R3HCC1L: variants seen among roughly 807,000 people sequenced by gnomAD.
R3HCC1L encodes the protein R3H domain and coiled-coil containing 1 like, also known as coiled-coil domain-containing protein R3HCC1L.
In R3HCC1L, 51 loss-of-function variants were observed where a neutral mutation model predicts 59.9. The ratio of observed to expected loss-of-function variants is 0.85; its 90% confidence interval spans 0.68 to 1.07. R3HCC1L has a LOEUF of 1.07. Ranked by LOEUF, R3HCC1L falls within the 50% of genes least tolerant of loss-of-function variation. The probability of loss-of-function intolerance (pLI) is 0.00; values close to 1 mark genes in which losing one functional copy is unlikely to be tolerated. For missense variants in R3HCC1L, 965 were observed against 933.0 expected, an observed-to-expected ratio of 1.03 and a Z score of -0.45; for synonymous variants, 322 against 315.2, an observed-to-expected ratio of 1.02 and a Z score of -0.23.
intron 5 of R3HCC1L, among the ~76,000 whole-genome samples, chr10:98,228,708 TG>T (rs1855977010): frequency 6.6e-6 from 1 of 152,254 alleles, no homozygotes; most frequent in Non-Finnish European, 1.5e-5. Flanking sequence ...AGGGTTTTTA[TG>T]GTTTTAGGTC....
At chr10:98,202,707 C>A (rs556156508) in intron 4 of R3HCC1L, among the ~76,000 whole-genome samples, 18 of 152,134 alleles carry the variant, frequency 1.2e-4, no homozygotes, top group Non-Finnish European at 2.6e-4. Context: ...TAAAAATGAG[C>A]CAGGCATGGT....
chr10:98,145,841 C>T (rs1440488709), intron 1 of R3HCC1L, among the ~76,000 whole-genome samples: 6 of 151,544 alleles, frequency 4.0e-5, no homozygotes, highest in South Asian at 4.2e-4. Context: ...CCCAGCTACT[C>T]GGGAGGCTGA....
In R3HCC1L at chr10:98,235,512, C is replaced by A. The variant is rs1387596623; in HGVS notation, c.2120C>A (p.Ala707Asp). ...ATRAAKAKARAYAEFLQPAKE... is the reference protein window; with the variant it reads ...ATRAAKAKARDYAEFLQPAKE... ...AGAGCAGCCAAGGCCAAAGCTAGAG[C>A]TTATGCTGGTGAGTCTATAATCTCT... Residue 707 changes from alanine to aspartate, a missense_variant, in exon 8 of 10, where the codon GCT (alanine) becomes GAT (aspartate). Ala to Asp is a moderately radical substitution (Grantham distance 126). Coordinates refer to ENST00000298999, the MANE Select transcript of R3HCC1L (RefSeq NM_001351015.2). The A allele has an allele frequency of 1.9e-6, 3 of 1,610,696 alleles. No individual in the cohort carries two copies. Among genetic ancestry groups the A allele is most frequent in the Non-Finnish European group, 2.5e-6 (3 of 1,177,796 alleles).
chr10:98,217,254 T>G (rs903691928), intron 5 of R3HCC1L, among the ~76,000 whole-genome samples: 1 of 152,226 alleles, frequency 6.6e-6, no homozygotes, highest in African/African-American at 2.4e-5. Context: ...TCCAATTTTT[T>G]CAGCACCATT....
intron 2 of R3HCC1L, among the ~76,000 whole-genome samples, chr10:98,160,845 G>GT (rs1179530686): frequency 6.6e-6 from 1 of 152,092 alleles, no homozygotes; most frequent in East Asian, 1.9e-4. Flanking sequence ...TATCCTTCAT[G>GT]TGTTTTTCCC....
chr10:98,223,671 T>C (rs1590787222), intron 5 of R3HCC1L, among the ~76,000 whole-genome samples: 1 of 152,124 alleles, frequency 6.6e-6, no homozygotes, highest in African/African-American at 2.4e-5. Flanking sequence ...AGTTTTTCAA[T>C]GGCTTAGGCT....
chr10:98,163,197 T>G (rs950981511), intron 3 of R3HCC1L, 96 bp from the exon 4 acceptor site: 1 of 375,358 alleles, frequency 2.7e-6, no homozygotes, highest in Non-Finnish European at 4.8e-6. Flanking sequence ...ACTCTTAGAT[T>G]TACAAAGTGA....
chr10:98,209,002 A>C lies in R3HCC1L; in HGVS notation c.888A>C (p.Thr296=), dbSNP rs749304175. The C allele has an allele frequency of 1.9e-6, 3 of 1,613,990 alleles. No individual in the cohort carries two copies. The highest frequency in any genetic ancestry group is 1.1e-5 in the South Asian group (1 of 91,064). The change falls in exon 5 of 10, where the codon ACA becomes ACC. Residue 296 remains threonine (T), a synonymous_variant. Transcript: ENST00000298999. ...VESVGGIANS[T]GFILDQKDTD... ...GTGTAGGTGGTATAGCCAATAGTAC[A>C]GGTTTCATCTTAGATCAAAAAGATA...
intron 6 of R3HCC1L, among the ~76,000 whole-genome samples, chr10:98,233,834 ATTCT>A (rs751815205): frequency 6.6e-6 from 1 of 151,988 alleles, no homozygotes; most frequent in Non-Finnish European, 1.5e-5. Flanking sequence ...TTGCCACATA[ATTCT>A]TTCTAATTTT....
At chr10:98,191,852 T>G (rs1262851024) in intron 4 of R3HCC1L, among the ~76,000 whole-genome samples, 9 of 152,132 alleles carry the variant, frequency 5.9e-5, no homozygotes. Flanking sequence ...AAGGATGGAG[T>G]CTCACTCTGT....
chr10:98,202,581 C>T (rs1396594575), intron 4 of R3HCC1L, among the ~76,000 whole-genome samples: 2 of 151,962 alleles, frequency 1.3e-5, no homozygotes, highest in Non-Finnish European at 2.9e-5. Context: ...GGGCCGGGCG[C>T]GGTGGCTCAC....
chr10:98,184,713 C>T (rs1184132325), intron 4 of R3HCC1L, among the ~76,000 whole-genome samples: 1 of 152,176 alleles, frequency 6.6e-6, no homozygotes, highest in African/African-American at 2.4e-5. Context: ...TTTCCAGTCT[C>T]CATTTTAGCT....
chr10:98,151,610 G>A (rs373411987), intron 1 of R3HCC1L, among the ~76,000 whole-genome samples: 17 of 152,110 alleles, frequency 1.1e-4, no homozygotes, highest in African/African-American at 2.9e-4. Context: ...ATATAAAATT[G>A]GAGCTCAATA....
intron 4 of R3HCC1L, among the ~76,000 whole-genome samples, chr10:98,193,021 G>A (rs933980865): frequency 6.6e-6 from 1 of 151,722 alleles, no homozygotes; most frequent in Non-Finnish European, 1.5e-5. Context: ...TAACAACTGA[G>A]GACAAAAATC....
rs1416385647 is a variant in R3HCC1L at position 98,209,501 on chromosome 10, A to G, written c.1387A>G (p.Ile463Val). Reference sequence around the variant, plus strand: ...TTTTACAGAGTCAACAGGAAAGTTGATAGAGAGCTTGTCAGATTGTGCTTC... The same window carrying G: ...TTTTACAGAGTCAACAGGAAAGTTGGTAGAGAGCTTGTCAGATTGTGCTTC... ...SHFTESTGKL[I>V]ESLSDCASSL... The change falls in exon 5 of 10, where the codon ATA becomes GTA. Residue 463 changes from isoleucine (I) to valine (V), a missense_variant. Transcript: ENST00000298999. 6.2e-7 allele frequency: 1 copy of G among 1,613,842 alleles called. No individual in the cohort carries two copies. Among genetic ancestry groups the G allele is most frequent in the Non-Finnish European group, 8.5e-7 (1 of 1,179,986 alleles).
chr10:98,183,505 TATTA>T (rs376166006), intron 4 of R3HCC1L, among the ~76,000 whole-genome samples: 8 of 152,124 alleles, frequency 5.3e-5, no homozygotes, highest in Admixed American at 1.3e-4. Context: ...GATTCTTTTG[TATTA>T]ATTTTGAAAA....
chr10:98,165,538 C>T (rs1003176117), intron 4 of R3HCC1L, among the ~76,000 whole-genome samples: 3 of 152,176 alleles, frequency 2.0e-5, no homozygotes, highest in East Asian at 1.9e-4. Flanking sequence ...TGATTTGATA[C>T]GTATGCTATC....
chr10:98,238,064 A>G (rs60382438), intron 9 of R3HCC1L, among the ~76,000 whole-genome samples: 3,765 of 152,268 alleles, frequency 0.025, 148 homozygotes, highest in African/African-American at 0.081. Flanking sequence ...GTCATCTTCA[A>G]AAAACCATAG....
At chr10:98,217,421 T>C (rs2135404312) in intron 5 of R3HCC1L, among the ~76,000 whole-genome samples, 1 of 152,326 alleles carries the variant, frequency 6.6e-6, no homozygotes, top group Admixed American at 6.5e-5. Context: ...ACTACAGCTT[T>C]ACAGTATTTT....
Sources: allele counts gnomAD v4.1 joint callset (sites outside exome capture counted in the v4.1 genomes callset), GRCh38; gene constraint gnomAD v4.1.1; transcripts MANE v1.5; gene names NCBI Gene and HGNC (gene_info 2026-07-23, HGNC 2026-07-21).